Variants in CNTNAP2 observed in about 807,000 individuals in gnomAD.
CNTNAP2 encodes contactin associated protein 2.
In CNTNAP2, 98 loss-of-function variants were observed where a neutral mutation model predicts 155.2. The ratio of observed to expected loss-of-function variants is 0.63; its 90% CI spans 0.54 to 0.75. The LOEUF (loss-of-function observed/expected upper bound fraction) is 0.75, where lower values mean the gene tolerates loss of function less well. Among genes scored for constraint, CNTNAP2 ranks in the 30% least tolerant of loss-of-function variants. The pLI is 0.00. For missense variants in CNTNAP2, 1,727 were observed against 1,688.1 expected (o/e 1.02, Z -0.40); for synonymous variants, 651 against 631.2 (o/e 1.03, Z -0.47).
intron 14 of CNTNAP2, among the ~76,000 whole-genome samples, chr7:147,963,042 C>T (rs1801139436): frequency 1.9e-5 from 1 of 51,940 alleles, no homozygotes; most frequent in Non-Finnish European, 6.7e-5. Context: ...GTGAAATTTG[C>T]TTATAATACA....
Position 147,014,094 on chromosome 7 carries a change from T to G in CNTNAP2, c.403-29813T>G, listed in dbSNP as rs1369751803. ...CTCCACAAGGAGACTTCCAGTGATG[T>G]TTTTCTGGCACTCAGCCCTTAGATA... is the stretch of plus-strand genomic sequence containing the variant. On this transcript the variant is annotated intron_variant, in intron 3 of 23. Transcript: ENST00000361727. Among the ~76,000 whole-genome samples, 6 of 152,280 alleles carry G rather than the reference T, an allele frequency of 3.9e-5. No homozygotes were observed. The South Asian group carries it at 1.2e-3, about 32-fold the overall frequency.
intron 9 of CNTNAP2, among the ~76,000 whole-genome samples, chr7:147,384,268 T>G (rs1368531819): frequency 4.6e-5 from 7 of 152,204 alleles, no homozygotes; most frequent in African/African-American, 7.2e-5. Flanking sequence ...GAGTAAAGTA[T>G]ATATTACAGA....
intron 1 of CNTNAP2, among the ~76,000 whole-genome samples, chr7:146,308,978 A>G (rs898216293): frequency 1.3e-5 from 2 of 152,158 alleles, no homozygotes; most frequent in South Asian, 4.1e-4. Flanking sequence ...AATTATAATA[A>G]TAATAATAAA....
chr7:147,904,196 T>C (rs775852739), intron 14 of CNTNAP2, among the ~76,000 whole-genome samples: 8 of 152,216 alleles, frequency 5.3e-5, no homozygotes, highest in Non-Finnish European at 1.2e-4. Context: ...GAAAAAATCA[T>C]TCTTTGCTCT....
intron 3 of CNTNAP2, among the ~76,000 whole-genome samples, chr7:146,861,959 T>A (rs1166934230): frequency 6.6e-6 from 1 of 152,144 alleles, no homozygotes; most frequent in Non-Finnish European, 1.5e-5. Flanking sequence ...CATTGGCAAT[T>A]GTATAACCAC....
At position 148,114,484 on chromosome 7, in the gene CNTNAP2, T is replaced by G. The variant is rs142225701; in HGVS notation, c.2384-3634T>G. ...AGATTACTGAGAGGAAATGTTTTCA[T>G]GCCGGCTTTCATGGAGTCTATGATC... On this transcript the variant is annotated intron_variant, in intron 15 of 23. Coordinates refer to ENST00000361727, the MANE Select transcript of CNTNAP2 (RefSeq NM_014141.6). 5.3e-5 allele frequency among the ~76,000 whole-genome samples: 8 copies of G among 152,334 alleles called. No homozygotes were observed. The East Asian group carries it at 1.5e-3, about 29-fold the overall frequency.
intron 12 of CNTNAP2, among the ~76,000 whole-genome samples, chr7:147,621,357 G>A (rs961634330): frequency 6.7e-6 from 1 of 148,244 alleles, no homozygotes; most frequent in East Asian, 1.9e-4. Flanking sequence ...CAGTAACTGA[G>A]GTGTAAACTA....
At chr7:147,657,151 A>T (rs75122151) in intron 13 of CNTNAP2, among the ~76,000 whole-genome samples, 18,304 of 152,250 alleles carry the variant, frequency 0.12, 1,431 homozygotes, top group Admixed American at 0.24. Context: ...TTATTTGAAA[A>T]GCAAACAAAT....
In CNTNAP2 at chr7:148,097,362, A is replaced by C. The variant is rs12703995; in HGVS notation, c.2384-20756A>C. On this transcript the variant is annotated intron_variant, in intron 15 of 23. Transcript: ENST00000361727. The stretch of plus-strand genomic sequence containing the variant: ...TTGTAAAAAAAAAAAAAAAAAAAAA[A>C]CCATAAAAAATAAAAATAAAAATAA... 9.0e-5 allele frequency among the ~76,000 whole-genome samples: 13 copies of C among 143,766 alleles called. 1 individual carries two copies. The highest frequency in any genetic ancestry group is 4.2e-4 in the Admixed American group (6 of 14,254). 94.3% of individuals were successfully genotyped at this position (143,766 alleles called of 152,430 possible). A position where few individuals can be genotyped will look rare whatever the true frequency, so the allele number is the denominator to read the frequency against.
At chr7:148,411,020 A>T (rs1216365456) in intron 23 of CNTNAP2, among the ~76,000 whole-genome samples, 3 of 152,182 alleles carry the variant, frequency 2.0e-5, no homozygotes, top group Admixed American at 2.0e-4. Context: ...AAAATAATAA[A>T]AACTAAAAAT....
At chr7:146,404,386 A>G (rs573018326) in intron 1 of CNTNAP2, among the ~76,000 whole-genome samples, 3 of 152,202 alleles carry the variant, frequency 2.0e-5, no homozygotes, top group East Asian at 3.9e-4. Context: ...ATCTGTACAC[A>G]TCCTTTTCAC....
chr7:147,256,613 A>G lies in CNTNAP2; in HGVS notation c.1349-43528A>G, dbSNP rs925738401. On this transcript the variant is annotated intron_variant, in intron 8 of 23. Transcript: ENST00000361727. ...GAACAATAGAAAATAGCTCCCAAAG[A>G]AAAACTAGGCATACTTCATAAAATT... Among the ~76,000 whole-genome samples, 4 of 152,144 alleles carry G rather than the reference A, an allele frequency of 2.6e-5. 1 individual carries two copies. In the South Asian group the frequency reaches 6.2e-4, roughly 24 times the overall value.
At chr7:148,278,944 G>C (rs1796926401) in intron 21 of CNTNAP2, among the ~76,000 whole-genome samples, 1 of 152,158 alleles carries the variant, frequency 6.6e-6, no homozygotes, top group South Asian at 2.1e-4. Context: ...CAGTCCAAAG[G>C]CTGTGAGGTA....
intron 13 of CNTNAP2, among the ~76,000 whole-genome samples, chr7:147,828,198 G>T: frequency 6.6e-6 from 1 of 152,268 alleles, no homozygotes; most frequent in African/African-American, 2.4e-5. Context: ...TTTGTTCACT[G>T]CTACTTACTA....
intron 1 of CNTNAP2, among the ~76,000 whole-genome samples, chr7:146,129,565 A>G (rs2116733111): frequency 6.6e-6 from 1 of 152,330 alleles, no homozygotes; most frequent in South Asian, 2.1e-4. Flanking sequence ...ATTGAGCATC[A>G]GCATGTTTTT....
intron 9 of CNTNAP2, among the ~76,000 whole-genome samples, chr7:147,342,549 G>T (rs924472622): frequency 3.3e-5 from 5 of 152,134 alleles, no homozygotes; most frequent in African/African-American, 1.2e-4. Context: ...GTTTAAAGAA[G>T]ATTCTATACT....
At position 148,409,379 on chromosome 7, in the gene CNTNAP2, CT is replaced by C. The variant is rs769306969; in HGVS notation, c.3716-9del. Reference sequence around the variant, plus strand: ...ACTTGACTCTGACACTTGACTCTTTCTTTCTCTACAGCCAGTGCGGATTTTC... The same window carrying C: ...ACTTGACTCTGACACTTGACTCTTTCTTCTCTACAGCCAGTGCGGATTTTC... On this transcript the variant is annotated splice_polypyrimidine_tract_variant and intron_variant, in intron 22 of 23. Transcript: ENST00000361727. The C allele has an allele frequency of 3.1e-6, 5 of 1,599,590 alleles. No individual in the cohort carries two copies. In the East Asian group the frequency reaches 1.1e-4, roughly 36 times the overall value.
In CNTNAP2 at chr7:146,781,397, A is replaced by G. The variant is rs575903263; in HGVS notation, c.208+7016A>G. On this transcript the variant is annotated intron_variant, in intron 2 of 23. Coordinates refer to ENST00000361727, the MANE Select transcript of CNTNAP2 (RefSeq NM_014141.6). ...ATAGTTTCCAGTTTAATTTTTAAAA[A>G]TTAACATAAAAAGACACAAAAGACA... is the stretch of plus-strand genomic sequence containing the variant. Among the ~76,000 whole-genome samples, 7 of 152,210 alleles carry G rather than the reference A, an allele frequency of 4.6e-5. No individual in the cohort carries two copies. The East Asian group carries it at 1.4e-3, about 29-fold the overall frequency.
chr7:147,715,547 GT>G (rs999974191), intron 13 of CNTNAP2, among the ~76,000 whole-genome samples: 1 of 151,888 alleles, frequency 6.6e-6, no homozygotes, highest in Non-Finnish European at 1.5e-5. Context: ...ATTTTATGGG[GT>G]TTTTTTAGTA....
Sources: allele counts gnomAD v4.1 joint callset (sites outside exome capture counted in the v4.1 genomes callset), GRCh38; gene constraint gnomAD v4.1.1; transcripts MANE v1.5; gene names NCBI Gene and HGNC (gene_info 2026-07-23, HGNC 2026-07-21).